Variants in ZFHX3 observed in about 807,000 individuals in gnomAD.
The protein encoded by ZFHX3 is zinc finger homeobox protein 3.
In ZFHX3, 42 loss-of-function variants were observed where a neutral mutation model predicts 279.1. The observed-to-expected ratio is 0.15, with a 90% CI of 0.12 to 0.19. The LOEUF (loss-of-function observed/expected upper bound fraction) is 0.19, where lower values mean the gene tolerates loss of function less well. Ranked by LOEUF, ZFHX3 falls within the 10% of genes least tolerant of loss-of-function variation. The pLI is 1.00. For missense variants in ZFHX3, 4,981 were observed against 4,754.0 expected, an observed-to-expected ratio of 1.05 and a Z score of -1.40; for synonymous variants, 2,293 against 1,957.8, an observed-to-expected ratio of 1.17 and a Z score of -4.52.
Position 72,959,385 on chromosome 16 carries a change from G to A in ZFHX3, c.761C>T (p.Ser254Phe). 1 of 1,614,244 alleles carries A rather than the reference G, an allele frequency of 6.2e-7. No homozygotes were observed. ...YLNSDGSAKS[S>F]CVSKDVPNNV... ...GTTGGGAACATCTTTGGATACGCAG[G>A]AGCTTTTGGCAGAACCGTCGCTGTT... Residue 254 changes from serine (S) to phenylalanine (F), a missense_variant, in exon 2 of 10, where the codon TCC becomes TTC. By Grantham distance (155) the Ser-to-Phe change is radical. This residue lies in a region of ZFHX3 where 1,068 missense variants were observed against 935.2 expected (regional missense o/e 1.14). Transcript: ENST00000268489.
At chr16:73,409,465 T>G (rs2017424429) in intron 3 of ZFHX3, among the ~76,000 whole-genome samples, 1 of 152,148 alleles carries the variant, frequency 6.6e-6, no homozygotes, top group South Asian at 2.1e-4. Flanking sequence ...AGACAGGCAA[T>G]AACAAATGCT....
At chr16:73,283,104 T>G (rs1351311960) in intron 4 of ZFHX3, among the ~76,000 whole-genome samples, 1 of 152,188 alleles carries the variant, frequency 6.6e-6, no homozygotes, top group African/African-American at 2.4e-5. Context: ...TGCTCAACTC[T>G]CAACTTCTCC....
chr16:73,586,446 T>G, intron 2 of ZFHX3, among the ~76,000 whole-genome samples: 1 of 146,086 alleles, frequency 6.8e-6, no homozygotes, highest in African/African-American at 2.7e-5. Flanking sequence ...ACAGAAAAGT[T>G]GGAGGTAAAA....
chr16:73,732,355 A>T (rs921831497), intron 1 of ZFHX3, among the ~76,000 whole-genome samples: 2 of 152,254 alleles, frequency 1.3e-5, no homozygotes, highest in Admixed American at 1.3e-4. Flanking sequence ...GAAGGATCAG[A>T]GTTCAGCAAA....
chr16:72,791,498 C>G (rs998974165), intron 9 of ZFHX3: 8 of 152,348 alleles, frequency 5.3e-5, no homozygotes, highest in African/African-American at 9.6e-5. Context: ...CACATAGCAC[C>G]TGGGAGCCCA....
intron 4 of ZFHX3, among the ~76,000 whole-genome samples, chr16:72,834,773 C>T (rs536181639): frequency 5.3e-5 from 8 of 151,678 alleles, no homozygotes; most frequent in Admixed American, 2.0e-4. Flanking sequence ...ACTCCCCAAA[C>T]GCATCACCCA....
intron 1 of ZFHX3, among the ~76,000 whole-genome samples, chr16:72,980,413 T>C (rs1455284223): frequency 6.6e-6 from 1 of 152,104 alleles, no homozygotes; most frequent in Non-Finnish European, 1.5e-5. Context: ...AAAGCCATTT[T>C]GGGGACAATC....
chr16:73,580,144 A>G (rs2051844429), intron 2 of ZFHX3, among the ~76,000 whole-genome samples: 1 of 151,770 alleles, frequency 6.6e-6, no homozygotes. Flanking sequence ...ATATAATTTT[A>G]TAATTTCCCC....
rs74530927 is a variant in ZFHX3 at position 72,815,538 on chromosome 16, C to G, written c.3530-3500G>C. Among the ~76,000 whole-genome samples the G allele has an allele frequency of 7.9e-3, 1,199 of 152,278 alleles. 24 individuals carry two copies. Among genetic ancestry groups the G allele is most frequent in the African/African-American group, 0.027 (1,102 of 41,548 alleles). On this transcript the variant is annotated intron_variant, in intron 5 of 9. Coordinates refer to ENST00000268489, the MANE Select transcript of ZFHX3 (RefSeq NM_006885.4). ...AACAGCTTCAAAAGGGCCAGAGTCT[C>G]AGAATCAATTTCTACTTCAGTTCTG...
At chr16:73,443,942 T>C (rs1196665733) in intron 3 of ZFHX3, among the ~76,000 whole-genome samples, 1 of 152,024 alleles carries the variant, frequency 6.6e-6, no homozygotes, top group African/African-American at 2.4e-5. Flanking sequence ...TTCTTTATAA[T>C]AAAATATTTG....
intron 4 of ZFHX3, among the ~76,000 whole-genome samples, chr16:73,302,142 A>T (rs1266185219): frequency 6.6e-6 from 1 of 152,210 alleles, no homozygotes; most frequent in Non-Finnish European, 1.5e-5. Flanking sequence ...CTGTCTTAGC[A>T]GAAGAAAGCT....
intron 2 of ZFHX3, among the ~76,000 whole-genome samples, chr16:73,537,832 G>A (rs548213673): frequency 2.0e-5 from 3 of 152,324 alleles, no homozygotes; most frequent in South Asian, 2.1e-4. Flanking sequence ...GACAAAAGCT[G>A]ACCATTTAGG....
At chr16:73,741,913 A>G (rs1394526607) in intron 1 of ZFHX3, among the ~76,000 whole-genome samples, 1 of 152,244 alleles carries the variant, frequency 6.6e-6, no homozygotes, top group East Asian at 1.9e-4. Context: ...AAGTCTTTCT[A>G]GCAACAAAGC....
At chr16:73,301,938 A>G (rs1435243486) in intron 4 of ZFHX3, among the ~76,000 whole-genome samples, 2 of 152,098 alleles carry the variant, frequency 1.3e-5, no homozygotes, top group African/African-American at 4.8e-5. Flanking sequence ...TGCTGCGGCA[A>G]CCACAAGGCC....
chr16:73,152,040 G>A (rs576175985), intron 5 of ZFHX3, among the ~76,000 whole-genome samples: 2 of 151,068 alleles, frequency 1.3e-5, no homozygotes, highest in South Asian at 4.2e-4. Flanking sequence ...GAGGAGACAC[G>A]CAAGCTTCCA....
At chr16:73,191,306 G>A (rs1968027439) in intron 5 of ZFHX3, among the ~76,000 whole-genome samples, 1 of 152,140 alleles carries the variant, frequency 6.6e-6, no homozygotes, top group Non-Finnish European at 1.5e-5. Flanking sequence ...GCTCCCCCCG[G>A]CCGCCCCAGC....
At chr16:72,855,398 T>C (rs1231935908) in intron 4 of ZFHX3, among the ~76,000 whole-genome samples, 1 of 152,214 alleles carries the variant, frequency 6.6e-6, no homozygotes, top group Non-Finnish European at 1.5e-5. Flanking sequence ...AATAAGGAGA[T>C]ATGGAGCTGA....
intron 2 of ZFHX3, among the ~76,000 whole-genome samples, chr16:73,623,953 T>C (rs2052392580): frequency 6.6e-6 from 1 of 152,222 alleles, no homozygotes; most frequent in African/African-American, 2.4e-5. Flanking sequence ...GAATCTAATC[T>C]TGGGCTCATT....
At chr16:73,708,081 G>GGC (rs1555533792) in intron 1 of ZFHX3, among the ~76,000 whole-genome samples, 2 of 151,210 alleles carry the variant, frequency 1.3e-5, no homozygotes, top group Non-Finnish European at 1.5e-5. Context: ...GGGTGTGGTG[G>GGC]GGGGGGGAAG....
Sources: gnomAD v4.1 joint callset for allele counts (sites outside exome capture counted in the v4.1 genomes callset) on GRCh38, gnomAD v4.1.1 for gene constraint, gnomAD v4.1.1 regional missense constraint, MANE v1.5 for transcripts, NCBI Gene and HGNC (gene_info 2026-07-23, HGNC 2026-07-21) for gene names.